Variants in F13B observed in about 807,000 individuals in gnomAD.
F13B encodes coagulation factor XIII B chain.
A neutral mutation model predicts 79.8 loss-of-function variants in F13B; 58 were observed. The observed-to-expected ratio is 0.73, with a 90% CI of 0.59 to 0.90. The LOEUF (loss-of-function observed/expected upper bound fraction) is 0.90, where lower values mean the gene tolerates loss of function less well. Among genes scored for constraint, F13B ranks in the 40% least tolerant of loss-of-function variants. F13B has a pLI of 0.00. For synonymous variants in F13B, 283 were observed against 260.3 expected, an observed-to-expected ratio of 1.09 and a Z score of -0.84; for missense variants, 773 against 777.0, an observed-to-expected ratio of 0.99 and a Z score of 0.06.
intron 8 of F13B, among the ~76,000 whole-genome samples, chr1:197,054,446 T>C (rs914350098): frequency 6.6e-6 from 1 of 151,956 alleles, no homozygotes; most frequent in African/African-American, 2.4e-5. Flanking sequence ...TAAGAATTAC[T>C]TGAAAGGTGG....
intron 10 of F13B, among the ~76,000 whole-genome samples, chr1:197,043,208 T>A (rs982049713): frequency 1.3e-5 from 2 of 152,090 alleles, no homozygotes; most frequent in East Asian, 3.9e-4. Flanking sequence ...AAAGCTTTAA[T>A]ACACACAACA....
At chr1:197,062,831 T>C (rs763298945) in intron 2 of F13B, 26 bp downstream of exon 2, 23 of 1,610,206 alleles carry the variant, frequency 1.4e-5, no homozygotes, top group Middle Eastern at 1.6e-4. Flanking sequence ...TATTGAAACA[T>C]TGAGTGACAT....
Position 197,052,780 on chromosome 1 carries a change from C to T in F13B, c.1409G>A (p.Trp470Ter). Residue 470 changes from tryptophan to a stop codon, truncating the protein, a stop_gained, in exon 9 of 12, where the codon TGG becomes TAG. Coordinates refer to ENST00000367412, the MANE Select transcript of F13B (RefSeq NM_001994.3). LOFTEE classifies it high-confidence loss of function. Reference protein sequence around the residue: ...YMNRNNIEMKWKYEGKVLHGD... With the variant: ...YMNRNNIEMK The stretch of plus-strand genomic sequence containing the variant: ...ATGTAAGACTTTCCCTTCATATTTC[C>T]ACTTCATTTCTATGTTATTTCTGTT... 1 of 1,610,744 alleles carries T rather than the reference C, an allele frequency of 6.2e-7. No individual in the cohort carries two copies. Among genetic ancestry groups the T allele is most frequent in the East Asian group, 2.2e-5 (1 of 44,698 alleles).
At position 197,060,927 on chromosome 1, in the gene F13B, G is replaced by A. The variant is rs544793047; in HGVS notation, c.600C>T (p.Tyr200=). ...KKTEEVECLT[Y]GWSLTPKCTK... Reference sequence around the variant, plus strand: ...TACATTTTGGTGTGAGAGACCATCCGTATGTGAGACATTCTACCTCCTCTG... The same window carrying A: ...TACATTTTGGTGTGAGAGACCATCCATATGTGAGACATTCTACCTCCTCTG... Residue 200 remains tyrosine (Y), a synonymous_variant, in exon 4 of 12, where the codon TAC becomes TAT. Coordinates refer to ENST00000367412, the MANE Select transcript of F13B (RefSeq NM_001994.3). 1.5e-5 allele frequency: 25 copies of A among 1,613,050 alleles called. No homozygotes were observed. Among genetic ancestry groups the A allele is most frequent in the South Asian group, 5.5e-5 (5 of 91,058 alleles).
intron 5 of F13B, among the ~76,000 whole-genome samples, chr1:197,058,285 T>C (rs1423259442): frequency 1.3e-5 from 2 of 152,148 alleles, no homozygotes; most frequent in African/African-American, 4.8e-5. Context: ...TGAACCCACG[T>C]CTGTCTAAAT....
At chr1:197,040,796 G>C in intron 10 of F13B, 61 bp from the exon 11 acceptor site, 1 of 1,374,646 alleles carries the variant, frequency 7.3e-7, no homozygotes. Context: ...GTTACATCTT[G>C]GTAAGAACAG....
chr1:197,039,446 A>G, intron 11 of F13B, 35 bp from the exon 12 acceptor site: 1 of 1,578,066 alleles, frequency 6.3e-7, no homozygotes, highest in Non-Finnish European at 8.7e-7. Flanking sequence ...TGAAATAAGC[A>G]TCAATTGCAG....
rs765498516 is a variant in F13B, at chr1:197,061,823, C to G, written c.412G>C (p.Asp138His). Reference protein sequence around the residue: ...KDEEVVQCLSDGWSSQPTCRK... With the variant: ...KDEEVVQCLSHGWSSQPTCRK... ...CAGGTTGGTTGAGAAGACCATCCAT[C>G]AGAGAGACATTGAACCACTTCTTCA... is the stretch of plus-strand genomic sequence containing the variant. The change falls in exon 3 of 12, where the codon GAT (aspartate) becomes CAT (histidine). Residue 138 changes from aspartate to histidine, a missense_variant. Coordinates refer to ENST00000367412, the MANE Select transcript of F13B (RefSeq NM_001994.3). 17 of 1,613,300 alleles carry G rather than the reference C, an allele frequency of 1.1e-5. No homozygotes were observed. The African/African-American group carries it at 2.0e-4, about 19-fold the overall frequency.
chr1:197,060,615 C>T (rs1571568290), intron 4 of F13B, 73 bp from the exon 5 acceptor site: 1 of 1,045,196 alleles, frequency 9.6e-7, no homozygotes, highest in East Asian at 2.5e-5. Flanking sequence ...GCACTATTTA[C>T]ATGACATAAC....
Position 197,061,013 on chromosome 1 carries a change from C to T in F13B, c.514G>A (p.Val172Met). 6.2e-7 allele frequency: 1 copy of T among 1,607,624 alleles called. No homozygotes were observed. ...NYSTTQKTFK[V>M]KDKVQYECAT... ...CATTCGTATTGTACTTTGTCCTTCA[C>T]TTTGAATGTTTTCTGTGTTGTGGAA... The change falls in exon 4 of 12, where the codon GTG (valine) becomes ATG (methionine). Residue 172 changes from valine to methionine, a missense_variant. Val to Met is a conservative substitution (Grantham distance 21, BLOSUM62 1). Coordinates refer to ENST00000367412, the MANE Select transcript of F13B (RefSeq NM_001994.3).
chr1:197,050,672 T>C (rs1655408192), intron 10 of F13B, 25 bp downstream of exon 10: 3 of 1,604,234 alleles, frequency 1.9e-6, no homozygotes, highest in Non-Finnish European at 2.6e-6. Context: ...TTTACTTTGT[T>C]AGAGGCATAT....
At chr1:197,062,802 A>G (rs1655910623) in intron 2 of F13B, 55 bp downstream of exon 2, 1 of 1,560,032 alleles carries the variant, frequency 6.4e-7, no homozygotes, top group Non-Finnish European at 8.8e-7. Context: ...CCCTATTTTT[A>G]TATACAAATT....
chr1:197,058,463 A>G (rs1279320916), intron 5 of F13B, among the ~76,000 whole-genome samples: 1 of 152,164 alleles, frequency 6.6e-6, no homozygotes, highest in East Asian at 1.9e-4. Flanking sequence ...GGAGAGCCAC[A>G]TTCCTGCTGG....
At chr1:197,064,645 T>C (rs1420540018) in intron 1 of F13B, among the ~76,000 whole-genome samples, 3 of 152,182 alleles carry the variant, frequency 2.0e-5, no homozygotes, top group Non-Finnish European at 2.9e-5. Context: ...ATCACTGTTC[T>C]ATATCTTGAT....
chr1:197,062,129 T>C (rs2125073377), intron 2 of F13B, among the ~76,000 whole-genome samples, 160 bp from the exon 3 acceptor site: 1 of 152,276 alleles, frequency 6.6e-6, no homozygotes, highest in African/African-American at 2.4e-5. Context: ...ACTGACTCTC[T>C]TTGTATTTAC....
chr1:197,053,222 A>C lies in F13B; in HGVS notation c.1355-388T>G, dbSNP rs17514641. ...AGCTTACCTTCTAACTGGGAGAAAC[A>C]CCTACAATACATAATAAATATAATA... is the stretch of plus-strand genomic sequence containing the variant. On this transcript the variant is annotated intron_variant, in intron 8 of 11. Coordinates refer to ENST00000367412, the MANE Select transcript of F13B (RefSeq NM_001994.3). Among the ~76,000 whole-genome samples, 210 of 152,252 alleles carry C rather than the reference A, an allele frequency of 1.4e-3. 1 individual carries two copies. Among genetic ancestry groups the C allele is most frequent in the African/African-American group, 4.2e-3 (176 of 41,566 alleles).
intron 8 of F13B, among the ~76,000 whole-genome samples, chr1:197,053,337 T>C (rs921318068): frequency 1.3e-5 from 2 of 152,110 alleles, no homozygotes; most frequent in African/African-American, 4.8e-5. Flanking sequence ...ATAATTCCCA[T>C]ATGTCATGGG....
Position 197,067,186 on chromosome 1 carries a change from A to G in F13B, c.38T>C (p.Ile13Thr). The G allele has an allele frequency of 6.2e-7, 1 of 1,607,170 alleles. No homozygotes were observed. Among genetic ancestry groups the G allele is most frequent in the South Asian group, 1.1e-5 (1 of 90,840 alleles). ...TTCTGCATAGAGTTCTCCTGAGATT[A>G]TCAATATGATGATAAAAGTCAGGTT... ...LKNLTFIIIL[I>T]ISGELYAEEK... Residue 13 changes from isoleucine to threonine, a missense_variant, in exon 1 of 12, where the codon ATA (isoleucine) becomes ACA (threonine). Ile to Thr is a moderately conservative substitution (Grantham distance 89). Coordinates refer to ENST00000367412, the MANE Select transcript of F13B (RefSeq NM_001994.3).
chr1:197,062,070 C>T (rs1655884601), intron 2 of F13B, 101 bp from the exon 3 acceptor site: 26 of 1,014,836 alleles, frequency 2.6e-5, no homozygotes, highest in South Asian at 7.2e-5. Flanking sequence ...TTGGCGATTT[C>T]ATTTTGGAAA....
Sources: allele counts gnomAD v4.1 joint callset (sites outside exome capture counted in the v4.1 genomes callset), GRCh38; gene constraint gnomAD v4.1.1; transcripts MANE v1.5; gene names NCBI Gene and HGNC (gene_info 2026-07-23, HGNC 2026-07-21).